The following NPAS4 variants were observed in gnomAD, a reference collection of about 807,000 sequenced individuals.
NPAS4 encodes neuronal PAS domain protein 4.
Under a neutral mutation model 64.0 loss-of-function variants are expected in NPAS4, and 10 were observed. The observed-to-expected ratio is 0.16, with a 90% CI of 0.10 to 0.26. The LOEUF (loss-of-function observed/expected upper bound fraction) is 0.26. NPAS4 is among the 10% of genes least tolerant of loss of function. The pLI, the probability that NPAS4 is intolerant of heterozygous loss-of-function variation, is 1.00. For synonymous variants in NPAS4, 441 were observed against 411.7 expected (o/e 1.07, Z -0.86); for missense variants, 886 against 992.6 (o/e 0.89, Z 1.44).
intron 4 of NPAS4, 28 bp downstream of exon 4, chr11:66,422,969 A>C (rs767563686): frequency 3.8e-6 from 6 of 1,597,118 alleles, no homozygotes; most frequent in Non-Finnish European, 5.1e-6. Context: ...AGATTCCAAG[A>C]GAAAGGCAGG....
chr11:66,422,685 C>T lies in NPAS4; in HGVS notation c.442C>T (p.Arg148Cys), dbSNP rs1418431856. The change falls in exon 4 of 8, where the codon CGC becomes TGC. Residue 148 changes from arginine (R) to cysteine (C), a missense_variant. Arg to Cys is a radical substitution (Grantham distance 180, BLOSUM62 -3). Transcript: ENST00000311034. ...PSALDTDRLF[R>C]CRFNTSKSLR... ...CTTCATCTATCTAGATCGCCTCTTC[C>T]GCTGCCGCTTCAACACCTCCAAGTC... The T allele has an allele frequency of 1.2e-6, 2 of 1,613,802 alleles. No individual in the cohort carries two copies.
upstream of NPAS4, among the ~76,000 whole-genome samples, chr11:66,420,826 G>A (rs1856729500): frequency 6.6e-6 from 1 of 152,090 alleles, no homozygotes. Flanking sequence ...GCAGCCTCCT[G>A]CTCCCCCCTC....
Position 66,424,171 on chromosome 11 carries a change from G to T in NPAS4, c.1281G>T (p.Thr427=), listed in dbSNP as rs140700532. The change falls in exon 7 of 8, where the codon ACG becomes ACT. Residue 427 remains threonine, a synonymous_variant. Transcript: ENST00000311034. ...ATCTTGTGTGCACTCCACCTTACAC[G>T]CCCCATCAGCCAGGAGGCTGTGCCT... ...SKDLVCTPPY[T]PHQPGGCAFL... The T allele has an allele frequency of 6.4e-4, 1,033 of 1,613,824 alleles. No individual in the cohort carries two copies. Among genetic ancestry groups the T allele is most frequent in the Non-Finnish European group, 7.8e-4 (925 of 1,179,976 alleles).
rs529848794 is a variant in NPAS4, at chr11:66,423,332, T to A, written c.808+100T>A. ...GTAGTCAAGAGTGATGCTGGGGAGA[T>A]AACAGAGGCCAACAGTTTCGGATGC... is the stretch of plus-strand genomic sequence containing the variant. On this transcript the variant is annotated intron_variant, in intron 5 of 7. Transcript: ENST00000311034. The A allele has an allele frequency of 3.3e-5, 30 of 908,838 alleles. No homozygotes were observed. In the African/African-American group the frequency reaches 4.9e-4, roughly 15 times the overall value. 56.3% of individuals were successfully genotyped at this position (908,838 alleles called of 1,614,324 possible).
chr11:66,413,383 G>T, the NPAS4 span, among the ~76,000 whole-genome samples: 1 of 152,242 alleles, frequency 6.6e-6, no homozygotes. Flanking sequence ...GAGGCAAGGG[G>T]GTGCATGAGG....
chr11:66,419,541 A>C (rs1856706719), upstream of NPAS4, among the ~76,000 whole-genome samples: 1 of 152,092 alleles, frequency 6.6e-6, no homozygotes, highest in South Asian at 2.1e-4. Context: ...AAGTGATTCC[A>C]TGCGCACACA....
In NPAS4 at chr11:66,426,491, C is replaced by A. The variant is rs1332243467; in HGVS notation, c.*502C>A. On this transcript the variant is annotated 3_prime_UTR_variant, in exon 8 of 8. Coordinates refer to ENST00000311034, the MANE Select transcript of NPAS4 (RefSeq NM_178864.4). ...GGCGGCCCTTCCTGTGACTTTTGCG[C>A]CCCGCGCCTGGGGTGGGGGGTGCGA... The A allele has an allele frequency of 6.4e-6, 1 of 155,962 alleles. No homozygotes were observed. 9.7% of individuals were successfully genotyped at this position (155,962 alleles called of 1,614,324 possible).
At chr11:66,418,347 T>A (rs1358747559), upstream of NPAS4, among the ~76,000 whole-genome samples, 2 of 152,110 alleles carry the variant, frequency 1.3e-5, no homozygotes, top group Non-Finnish European at 2.9e-5. Context: ...CTCTCTAGTG[T>A]GCCAGCCGCC....
chr11:66,421,382 C>T, intron 1 of NPAS4, 28 bp downstream of exon 1: 1 of 1,606,996 alleles, frequency 6.2e-7, no homozygotes, highest in Non-Finnish European at 8.5e-7. Context: ...ACCGCAGATC[C>T]GAGCTGCCAG....
chr11:66,424,276 C>A lies in NPAS4; in HGVS notation c.1386C>A (p.Ser462Arg). 1 of 1,614,180 alleles carries A rather than the reference C, an allele frequency of 6.2e-7. No homozygotes were observed. The highest frequency in any genetic ancestry group is 2.2e-5 in the East Asian group (1 of 44,874). ...SSTLQEQLTP[S>R]TATFSDQLTP... Reference sequence around the variant, plus strand: ...CTCTTCAAGAACAGCTGACTCCAAGCACTGCGACCTTCTCTGATCAGTTGA... The same window carrying A: ...CTCTTCAAGAACAGCTGACTCCAAGAACTGCGACCTTCTCTGATCAGTTGA... The change falls in exon 7 of 8, where the codon AGC (serine) becomes AGA (arginine). Residue 462 changes from serine to arginine, a missense_variant. Coordinates refer to ENST00000311034, the MANE Select transcript of NPAS4 (RefSeq NM_178864.4).
upstream of NPAS4, among the ~76,000 whole-genome samples, chr11:66,420,840 C>G (rs1257762719): frequency 6.6e-6 from 1 of 152,180 alleles, no homozygotes. Context: ...CCCCCTCGCC[C>G]GCCTCCCTCC....
intron 4 of NPAS4, 34 bp from the exon 5 acceptor site, chr11:66,423,089 C>T (rs780508555): frequency 3.9e-6 from 6 of 1,540,616 alleles, no homozygotes; most frequent in Non-Finnish European, 5.3e-6. Context: ...GCAAGGAAAA[C>T]AGAAAGCTGA....
chr11:66,411,415 C>A, the NPAS4 span, among the ~76,000 whole-genome samples: 3 of 152,186 alleles, frequency 2.0e-5, no homozygotes, highest in African/African-American at 7.2e-5. Flanking sequence ...GAGCTGGGAA[C>A]AGAATCTGCA....
upstream of NPAS4, among the ~76,000 whole-genome samples, chr11:66,418,808 G>A (rs566333161): frequency 1.8e-4 from 27 of 152,306 alleles, no homozygotes; most frequent in South Asian, 6.2e-4. Flanking sequence ...AGGCCTGTGG[G>A]TACCCAAGCC....
chr11:66,419,458 C>T (rs1048853476), upstream of NPAS4, among the ~76,000 whole-genome samples: 3 of 152,146 alleles, frequency 2.0e-5, no homozygotes, highest in African/African-American at 7.2e-5. Context: ...AAGTTCATCT[C>T]CATGCTTCCT....
Position 66,424,754 on chromosome 11 carries a change from T to C in NPAS4, c.1864T>C (p.Phe622Leu), listed in dbSNP as rs1856813265. ...PEASPVKQSF[F>L]HYSEKEQNEI... ...GGCCTCTCCAGTCAAGCAGAGTTTCTTCCACTACTCTGAAAAGGAGCAGAA... is the reference window on the plus strand; with the variant it reads ...GGCCTCTCCAGTCAAGCAGAGTTTCCTCCACTACTCTGAAAAGGAGCAGAA... Residue 622 changes from phenylalanine to leucine, a missense_variant, in exon 7 of 8, where the codon TTC becomes CTC. Physicochemically the swap from Phe to Leu is conservative, Grantham distance 22. Coordinates refer to ENST00000311034, the MANE Select transcript of NPAS4 (RefSeq NM_178864.4). The C allele has an allele frequency of 6.2e-7, 1 of 1,613,872 alleles. No homozygotes were observed. Among genetic ancestry groups the C allele is most frequent in the South Asian group, 1.1e-5 (1 of 91,066 alleles).
Position 66,424,689 on chromosome 11 carries a change from T to C in NPAS4, c.1799T>C (p.Val600Ala). The C allele has an allele frequency of 1.2e-6, 2 of 1,613,284 alleles. No individual in the cohort carries two copies. Among genetic ancestry groups the C allele is most frequent in the Non-Finnish European group, 1.7e-6 (2 of 1,179,478 alleles). ...ALAQLRGPLS[V>A]DVPLVPEGLL... The stretch of plus-strand genomic sequence containing the variant: ...GCCCAGCTCCGGGGCCCCCTCTCTG[T>C]GGATGTCCCCCTGGTGCCCGAAGGC... Residue 600 changes from valine to alanine, a missense_variant, in exon 7 of 8, where the codon GTG becomes GCG. Val to Ala is a moderately conservative substitution (Grantham distance 64, BLOSUM62 0). Transcript: ENST00000311034.
At chr11:66,412,159 A>G in the NPAS4 span, among the ~76,000 whole-genome samples, 1 of 152,238 alleles carries the variant, frequency 6.6e-6, no homozygotes, top group Non-Finnish European at 1.5e-5. Context: ...AATGGGAGCC[A>G]CAAGGGTCTT....
In NPAS4 at chr11:66,426,123, GGA is replaced by G; in HGVS notation, c.*135_*136del. On this transcript the variant is annotated 3_prime_UTR_variant, in exon 8 of 8. Transcript: ENST00000311034. The stretch of plus-strand genomic sequence containing the variant: ...TATATATGATTCCCCAGGCCCTGCA[GGA>G]TTTTGGGGGGGGGGAGGTGGGAGGG... 18 of 414,184 alleles carry G rather than the reference GGA, an allele frequency of 4.3e-5. No homozygotes were observed. Among genetic ancestry groups the G allele is most frequent in the East Asian group, 2.8e-4 (5 of 17,974 alleles). The allele number at this position is 414,184 out of a possible 1,614,324, so 25.7% of individuals were successfully genotyped here. A position where few individuals can be genotyped will look rare whatever the true frequency, so the allele number is the denominator to read the frequency against.
Sources: gnomAD v4.1 joint callset for allele counts (sites outside exome capture counted in the v4.1 genomes callset) on GRCh38, gnomAD v4.1.1 for gene constraint, MANE v1.5 for transcripts, NCBI Gene and HGNC (gene_info 2026-07-23, HGNC 2026-07-21) for gene names.